The following CEMIP variants were observed in gnomAD, a reference collection of about 807,000 sequenced individuals.
CEMIP encodes cell migration-inducing and hyaluronan-binding protein.
Under a neutral mutation model 156.9 loss-of-function variants are expected in CEMIP, and 105 were observed. The ratio of observed to expected loss-of-function variants is 0.67; its 90% CI spans 0.57 to 0.79. The LOEUF (loss-of-function observed/expected upper bound fraction) is 0.79. Among genes scored for constraint, CEMIP ranks in the 30% least tolerant of loss-of-function variants. The pLI is 0.00. For synonymous variants in CEMIP, 676 were observed against 668.4 expected (o/e 1.01, Z -0.17); for missense variants, 1,457 against 1,769.4 (o/e 0.82, Z 3.17).
chr15:80,806,801 A>G (rs974643083), intron 1 of CEMIP, among the ~76,000 whole-genome samples: 5 of 152,238 alleles, frequency 3.3e-5, no homozygotes, highest in African/African-American at 1.2e-4. Flanking sequence ...TTTTCTTTTC[A>G]AATGACCTCC....
intron 14 of CEMIP, among the ~76,000 whole-genome samples, chr15:80,911,525 C>T (rs978873603): frequency 8.4e-5 from 4 of 47,422 alleles, no homozygotes; most frequent in Admixed American, 3.1e-4. Context: ...AGGGAAAATA[C>T]ACCACACACA....
chr15:80,922,415 G>A (rs1445698142), intron 17 of CEMIP, among the ~76,000 whole-genome samples: 11 of 152,234 alleles, frequency 7.2e-5, no homozygotes, highest in Admixed American at 7.2e-4. Context: ...CTGACAGGGG[G>A]AGAGCTTCTC....
rs143318963 is a variant in CEMIP, at chr15:80,871,779, T to C, written c.-175-1759T>C. 4.9e-3 allele frequency among the ~76,000 whole-genome samples: 753 copies of C among 152,318 alleles called. 7 individuals are homozygous for C. The highest frequency in any genetic ancestry group is 0.017 in the African/African-American group (711 of 41,572). On this transcript the variant is annotated intron_variant, in intron 1 of 29. Coordinates refer to ENST00000394685, the MANE Select transcript of CEMIP (RefSeq NM_001293298.2). ...TGGCTTTTCCATGAGGACCATAATA[T>C]GCTCCTATTCCTGCTGTTCCCTTCT...
At chr15:80,874,049 T>G in intron 3 of CEMIP, 76 bp downstream of exon 3, 3 of 1,386,292 alleles carry the variant, frequency 2.2e-6, no homozygotes, top group African/African-American at 1.4e-5. Context: ...AGGCTGCTTT[T>G]GGGGGAGCCA....
chr15:80,898,870 C>T (rs1049036721), intron 12 of CEMIP, among the ~76,000 whole-genome samples: 11 of 152,188 alleles, frequency 7.2e-5, no homozygotes, highest in African/African-American at 2.7e-4. Context: ...CACCTTTCCT[C>T]CACAGGGAGG....
intron 1 of CEMIP, among the ~76,000 whole-genome samples, chr15:80,847,616 A>G (rs1334849092): frequency 6.6e-6 from 1 of 152,200 alleles, no homozygotes; most frequent in African/African-American, 2.4e-5. Context: ...TGCCTTTGAC[A>G]AACAGCTGCA....
chr15:80,943,202 T>C, intron 28 of CEMIP, 100 bp downstream of exon 28: 1 of 1,340,510 alleles, frequency 7.5e-7, no homozygotes, highest in Non-Finnish European at 1.1e-6. Flanking sequence ...CAGATCAGTC[T>C]GGAAAAGCTC....
intron 14 of CEMIP, among the ~76,000 whole-genome samples, chr15:80,911,529 A>C (rs1596185104): frequency 5.4e-3 from 1 of 184 alleles, no homozygotes; most frequent in Non-Finnish European, 0.018. Context: ...AAAATACACC[A>C]CACACACACA....
intron 8 of CEMIP, 58 bp downstream of exon 8, chr15:80,887,822 G>A: frequency 2.2e-6 from 3 of 1,385,206 alleles, no homozygotes; most frequent in South Asian, 1.2e-5. Flanking sequence ...ATCAAGAGGT[G>A]CAGGGCTTTT....
intron 1 of CEMIP, among the ~76,000 whole-genome samples, chr15:80,811,338 A>G (rs1020318615): frequency 6.6e-6 from 1 of 152,158 alleles, no homozygotes; most frequent in East Asian, 1.9e-4. Flanking sequence ...AGTGTTCTCA[A>G]TCTCTATGAG....
At chr15:80,796,043 C>G (rs1896215112) in intron 1 of CEMIP, among the ~76,000 whole-genome samples, 1 of 152,202 alleles carries the variant, frequency 6.6e-6, no homozygotes, top group Non-Finnish European at 1.5e-5. Context: ...AAAATATTTT[C>G]ATAAAGAGGT....
rs117106539 is a variant in CEMIP, at chr15:80,889,856, C to A, written c.1086+264C>A. The stretch of plus-strand genomic sequence containing the variant: ...CTTCTTCAGCCATGACTGAGTGTGC[C>A]CCCACCACAGGGATGGGTTTGGACT... On this transcript the variant is annotated intron_variant, in intron 10 of 29. Coordinates refer to ENST00000394685, the MANE Select transcript of CEMIP (RefSeq NM_001293298.2). Among the ~76,000 whole-genome samples the A allele has an allele frequency of 2.0e-5, 3 of 152,272 alleles. No individual in the cohort carries two copies. In the East Asian group the frequency reaches 5.8e-4, roughly 29 times the overall value.
rs751049579 is a variant in CEMIP, at chr15:80,941,780, G to A, written c.3408-69G>A. On this transcript the variant is annotated intron_variant, in intron 25 of 29. Coordinates refer to ENST00000394685, the MANE Select transcript of CEMIP (RefSeq NM_001293298.2). ...ATGACCAGCTCAGAGTAAATGTCTC[G>A]GTGGGTGGGAGGAGAAGAGGGAGGT... 714 of 1,414,880 alleles carry A rather than the reference G, an allele frequency of 5.0e-4. 1 individual carries two copies. The highest frequency in any genetic ancestry group is 6.7e-4 in the Non-Finnish European group (674 of 1,012,546). The allele number at this position is 1,414,880 out of a possible 1,614,324, so 87.6% of individuals were successfully genotyped here.
At chr15:80,859,435 A>G (rs931905568) in intron 1 of CEMIP, among the ~76,000 whole-genome samples, 1 of 152,200 alleles carries the variant, frequency 6.6e-6, no homozygotes, top group Non-Finnish European at 1.5e-5. Flanking sequence ...TAGTTCTGGG[A>G]GCAGGAGGCA....
chr15:80,929,649 G>C (rs1186811342), intron 21 of CEMIP, among the ~76,000 whole-genome samples: 1 of 152,208 alleles, frequency 6.6e-6, no homozygotes, highest in Non-Finnish European at 1.5e-5. Flanking sequence ...TCACTTTGGG[G>C]ACAACATGGG....
chr15:80,881,493 G>C (rs1262197280), intron 6 of CEMIP, among the ~76,000 whole-genome samples: 1 of 152,206 alleles, frequency 6.6e-6, no homozygotes, highest in African/African-American at 2.4e-5. Context: ...GAGAAATGAA[G>C]GGTGAGGATA....
At chr15:80,798,422 A>G (rs1426204771) in intron 1 of CEMIP, among the ~76,000 whole-genome samples, 1 of 152,172 alleles carries the variant, frequency 6.6e-6, no homozygotes. Flanking sequence ...GCTGATTTCC[A>G]TAGAATGATT....
chr15:80,901,906 G>C (rs12916035), intron 12 of CEMIP, among the ~76,000 whole-genome samples: 3 of 152,116 alleles, frequency 2.0e-5, no homozygotes, highest in Non-Finnish European at 2.9e-5. Context: ...TTCTCCCTCA[G>C]TGAAGGCCCT....
At chr15:80,860,757 C>T (rs1433484490) in intron 1 of CEMIP, among the ~76,000 whole-genome samples, 5 of 152,114 alleles carry the variant, frequency 3.3e-5, no homozygotes, top group Admixed American at 6.5e-5. Context: ...TGGGTGTTCA[C>T]GTCTTATCAC....
Sources: allele counts gnomAD v4.1 joint callset (sites outside exome capture counted in the v4.1 genomes callset), GRCh38; gene constraint gnomAD v4.1.1; transcripts MANE v1.5; gene names NCBI Gene and HGNC (gene_info 2026-07-23, HGNC 2026-07-21).